FAM222A: variants seen among roughly 807,000 people sequenced by gnomAD.
The protein encoded by FAM222A is family with sequence similarity 222 member A.
In FAM222A, 7 loss-of-function variants were observed where a neutral mutation model predicts 25.8. The ratio of observed to expected loss-of-function variants is 0.27; its 90% CI spans 0.15 to 0.51. The LOEUF is 0.51. Among genes scored for constraint, FAM222A ranks in the 20% least tolerant of loss-of-function variants. The probability of loss-of-function intolerance (pLI) is 0.97; values close to 1 mark genes in which losing one functional copy is unlikely to be tolerated. For synonymous variants in FAM222A, 294 were observed against 298.8 expected (o/e 0.98, Z 0.17); for missense variants, 573 against 640.5 (o/e 0.89, Z 1.14).
chr12:109,737,595 A>T (rs1399147268), intron 1 of FAM222A, among the ~76,000 whole-genome samples: 1 of 151,948 alleles, frequency 6.6e-6, no homozygotes, highest in Non-Finnish European at 1.5e-5. Context: ...TAAAAAAAAA[A>T]AAAAAAGGTA....
intron 1 of FAM222A, chr12:109,743,844 C>T: frequency 2.0e-6 from 2 of 985,406 alleles, no homozygotes; most frequent in Non-Finnish European, 2.4e-6. Flanking sequence ...AGATGCCGAG[C>T]AGGGCCGGGG....
chr12:109,742,346 A>C (rs4766627), intron 1 of FAM222A, among the ~76,000 whole-genome samples: 1 of 152,302 alleles, frequency 6.6e-6, no homozygotes, highest in African/African-American at 2.4e-5. Context: ...ACCTGCTCAC[A>C]TTCCAAGTCC....
intron 2 of FAM222A, among the ~76,000 whole-genome samples, chr12:109,757,211 CAG>C (rs1182719924): frequency 1.3e-5 from 2 of 152,150 alleles, no homozygotes; most frequent in African/African-American, 2.4e-5. Context: ...TGCATATAGA[CAG>C]AGATTCAAAT....
intron 1 of FAM222A, chr12:109,735,033 G>A (rs1212784490): frequency 1.3e-5 from 2 of 152,670 alleles, no homozygotes; most frequent in Non-Finnish European, 2.9e-5. Flanking sequence ...CCCCTGCCTC[G>A]AAGGCTCCAT....
In FAM222A at chr12:109,768,744, C is replaced by A; in HGVS notation, c.815C>A (p.Ala272Asp). Reference protein sequence around the residue: ...GATQALTLAGAAKPAGYADSG... With the variant: ...GATQALTLAGDAKPAGYADSG... ...ACCCAAGCCTTGACGTTGGCTGGGGCCGCCAAGCCTGCAGGGTACGCAGAC... is the reference window on the plus strand; with the variant it reads ...ACCCAAGCCTTGACGTTGGCTGGGGACGCCAAGCCTGCAGGGTACGCAGAC... The change falls in exon 3 of 3, where the codon GCC becomes GAC. Residue 272 changes from alanine (A) to aspartate (D), a missense_variant. Ala to Asp is a moderately radical substitution (Grantham distance 126). Coordinates refer to ENST00000538780, the MANE Select transcript of FAM222A (RefSeq NM_032829.3). 6.3e-7 allele frequency: 1 copy of A among 1,578,354 alleles called. No individual in the cohort carries two copies. The highest frequency in any genetic ancestry group is 1.1e-5 in the South Asian group (1 of 88,452).
intron 2 of FAM222A, among the ~76,000 whole-genome samples, chr12:109,759,281 G>A (rs893712427): frequency 5.3e-5 from 8 of 152,248 alleles, no homozygotes; most frequent in Middle Eastern, 3.4e-3. Context: ...AAGAACACAT[G>A]CCTCTCCCTG....
chr12:109,734,058 A>G (rs1226637067), intron 1 of FAM222A: 1 of 152,242 alleles, frequency 6.6e-6, no homozygotes. Flanking sequence ...ACAAAAAATA[A>G]TAATTAGCTG....
At chr12:109,716,285 G>A (rs1390020292) in intron 1 of FAM222A, among the ~76,000 whole-genome samples, 1 of 152,152 alleles carries the variant, frequency 6.6e-6, no homozygotes, top group African/African-American at 2.4e-5. Context: ...GCCAGTGTCG[G>A]GTGCTGGTGA....
Position 109,767,999 on chromosome 12 carries a change from T to C in FAM222A, c.83-13T>C. 1.9e-6 allele frequency: 3 copies of C among 1,608,020 alleles called. No homozygotes were observed. The highest frequency in any genetic ancestry group is 2.6e-6 in the Non-Finnish European group (3 of 1,176,338). ...CCTCCTGATGGGCCCTCACACCTGC[T>C]TTCCTCCCACAGGCGAGGCGGTGGC... On this transcript the variant is annotated splice_polypyrimidine_tract_variant and intron_variant, in intron 2 of 2. Transcript: ENST00000538780.
At chr12:109,730,996 G>A (rs1006844077) in intron 1 of FAM222A, among the ~76,000 whole-genome samples, 2 of 152,038 alleles carry the variant, frequency 1.3e-5, no homozygotes, top group Non-Finnish European at 2.9e-5. Context: ...CCTCACAACC[G>A]GCTGGTGAGG....
In FAM222A at chr12:109,759,943, C is replaced by T. The variant is rs552509640; in HGVS notation, c.83-8069C>T. Among the ~76,000 whole-genome samples the T allele has an allele frequency of 1.8e-4, 28 of 152,288 alleles. 1 individual carries two copies. The highest frequency in any genetic ancestry group is 3.4e-3 in the Middle Eastern group (1 of 294). Reference sequence around the variant, plus strand: ...AATCTAGCCCAGGAGAAAAGTAGACCGACAGCTACAGCATGGGGGTCCTAC... The same window carrying T: ...AATCTAGCCCAGGAGAAAAGTAGACTGACAGCTACAGCATGGGGGTCCTAC... On this transcript the variant is annotated intron_variant, in intron 2 of 2. Transcript: ENST00000538780.
rs182644541 is a variant in FAM222A at position 109,749,994 on chromosome 12, C to T, written c.82+5766C>T. 2.7e-4 allele frequency among the ~76,000 whole-genome samples: 41 copies of T among 152,246 alleles called. 1 individual carries two copies. In the East Asian group the frequency reaches 6.0e-3, roughly 22 times the overall value. ...TAGAGTTGGATTAAGCTTTGTGATC[C>T]AGTCTGAATGCCCTTTTTTTCTTTT... On this transcript the variant is annotated intron_variant, in intron 2 of 2. Transcript: ENST00000538780.
At chr12:109,720,071 G>T (rs1887720136) in intron 1 of FAM222A, 1 of 985,082 alleles carries the variant, frequency 1.0e-6, no homozygotes, top group African/African-American at 1.7e-5. Context: ...CATGTGCATA[G>T]TGCTTGCAGG....
chr12:109,766,906 AT>A (rs1466520876), intron 2 of FAM222A, among the ~76,000 whole-genome samples: 1 of 151,670 alleles, frequency 6.6e-6, no homozygotes, highest in African/African-American at 2.4e-5. Flanking sequence ...ATTTACTTTT[AT>A]TTTTTTGAGA....
intron 1 of FAM222A, among the ~76,000 whole-genome samples, chr12:109,738,412 C>A (rs1317617528): frequency 6.6e-6 from 1 of 152,200 alleles, no homozygotes; most frequent in African/African-American, 2.4e-5. Context: ...ACCACCATTT[C>A]AGGCTCCTAT....
chr12:109,745,370 G>C (rs1487692188), intron 2 of FAM222A, among the ~76,000 whole-genome samples: 1 of 152,190 alleles, frequency 6.6e-6, no homozygotes, highest in Non-Finnish European at 1.5e-5. Context: ...CCTCTATTTA[G>C]ACTGTAACTG....
intron 1 of FAM222A, among the ~76,000 whole-genome samples, chr12:109,727,197 T>G (rs1023489429): frequency 3.3e-5 from 5 of 152,074 alleles, no homozygotes; most frequent in Non-Finnish European, 7.4e-5. Context: ...TGGGACACAC[T>G]GGCCTTTGTG....
chr12:109,753,135 CAG>C (rs1888607294), intron 2 of FAM222A, among the ~76,000 whole-genome samples: 1 of 152,170 alleles, frequency 6.6e-6, no homozygotes, highest in Admixed American at 6.5e-5. Flanking sequence ...GCAGAAGCCC[CAG>C]AGAGGCACCG....
chr12:109,720,303 G>A (rs549572456), intron 1 of FAM222A: 11 of 560,222 alleles, frequency 2.0e-5, no homozygotes, highest in African/African-American at 4.1e-5. Context: ...ACTTAATGAC[G>A]CAGAACTTAA....
Sources: gnomAD v4.1 joint callset for allele counts (sites outside exome capture counted in the v4.1 genomes callset) on GRCh38, gnomAD v4.1.1 for gene constraint, MANE v1.5 for transcripts, NCBI Gene and HGNC (gene_info 2026-07-23, HGNC 2026-07-21) for gene names.